TUSC3: variants seen among roughly 807,000 people sequenced by gnomAD.
TUSC3 encodes the protein dolichyl-diphosphooligosaccharide--protein glycosyltransferase subunit TUSC3.
Under a neutral mutation model 44.8 loss-of-function variants are expected in TUSC3, and 45 were observed. That is an observed-to-expected ratio of 1.00 (90% CI 0.79 to 1.29). The LOEUF is 1.29. Among genes scored for constraint, TUSC3 ranks in the 50% most tolerant of loss-of-function variants. The probability of loss-of-function intolerance (pLI) is 0.00; values close to 1 mark genes in which losing one functional copy is unlikely to be tolerated. For synonymous variants in TUSC3, 212 were observed against 152.9 expected, an observed-to-expected ratio of 1.39 and a Z score of -2.85; for missense variants, 519 against 437.9, an observed-to-expected ratio of 1.19 and a Z score of -1.65.
the TUSC3 span, among the ~76,000 whole-genome samples, chr8:15,840,836 G>A: frequency 6.6e-6 from 1 of 152,240 alleles, no homozygotes; most frequent in East Asian, 1.9e-4. Context: ...AAAAATTTAT[G>A]CAGTCCCTAA....
chr8:15,435,209 C>T (rs907511162), intron 1 of TUSC3, among the ~76,000 whole-genome samples: 4 of 151,376 alleles, frequency 2.6e-5, no homozygotes, highest in Non-Finnish European at 5.9e-5. Context: ...TGTTTCCTGA[C>T]TTTTTAATGA....
intron 2 of TUSC3, among the ~76,000 whole-genome samples, chr8:15,510,390 A>G (rs745585441): frequency 1.3e-5 from 2 of 152,154 alleles, no homozygotes; most frequent in Non-Finnish European, 2.9e-5. Flanking sequence ...AATTACCAAT[A>G]TCAGACATGA....
At chr8:15,512,347 A>C (rs1801148710) in intron 2 of TUSC3, among the ~76,000 whole-genome samples, 1 of 152,168 alleles carries the variant, frequency 6.6e-6, no homozygotes. Flanking sequence ...CCTGAACAAG[A>C]AGGAATTCTG....
intron 2 of TUSC3, among the ~76,000 whole-genome samples, chr8:15,637,312 C>G (rs918714894): frequency 1.3e-5 from 2 of 152,124 alleles, no homozygotes; most frequent in Non-Finnish European, 2.9e-5. Context: ...TCAGTCAACT[C>G]CATTTTTCTT....
chr8:15,659,414 C>T (rs761354708), intron 3 of TUSC3, 93 bp from the exon 4 acceptor site: 18 of 1,468,484 alleles, frequency 1.2e-5, no homozygotes, highest in Non-Finnish European at 1.7e-5. Context: ...ATAATAAATG[C>T]TGTTTTCCCC....
At chr8:15,468,586 C>G (rs1269475769) in intron 1 of TUSC3, among the ~76,000 whole-genome samples, 3 of 152,214 alleles carry the variant, frequency 2.0e-5, no homozygotes, top group African/African-American at 7.2e-5. Flanking sequence ...AAATTTAGAT[C>G]TGATGCCCCC....
chr8:15,431,095 A>G (rs1799867613), intron 1 of TUSC3, among the ~76,000 whole-genome samples: 1 of 151,752 alleles, frequency 6.6e-6, no homozygotes, highest in Non-Finnish European at 1.5e-5. Context: ...GCTTTGTAAT[A>G]TATTTTTGAA....
chr8:15,808,584 T>A, the TUSC3 span, among the ~76,000 whole-genome samples: 2 of 152,172 alleles, frequency 1.3e-5, no homozygotes, highest in Non-Finnish European at 2.9e-5. Flanking sequence ...AGACCTGCCA[T>A]CGTTACATCT....
chr8:15,626,288 GC>G (rs1209390971), intron 2 of TUSC3, among the ~76,000 whole-genome samples: 1 of 152,172 alleles, frequency 6.6e-6, no homozygotes, highest in Admixed American at 6.5e-5. Flanking sequence ...AGCTATGGGG[GC>G]CACTGCAGTG....
chr8:15,704,255 GTTTTTT>G (rs373598712), intron 6 of TUSC3, among the ~76,000 whole-genome samples: 4 of 137,080 alleles, frequency 2.9e-5, no homozygotes, highest in African/African-American at 5.4e-5. Flanking sequence ...ATTCTTAATG[GTTTTTT>G]TTTTTTTTTT....
the TUSC3 span, chr8:15,806,831 A>G: frequency 4.3e-6 from 4 of 940,496 alleles, no homozygotes; most frequent in Non-Finnish European, 6.7e-6. Context: ...TCCTGTTCCT[A>G]CAAAGTAAAC....
At chr8:15,672,321 C>A (rs1054700945) in intron 5 of TUSC3, among the ~76,000 whole-genome samples, 9 of 151,956 alleles carry the variant, frequency 5.9e-5, no homozygotes, top group African/African-American at 2.2e-4. Context: ...AAGATTGATA[C>A]CAATATTATC....
intron 1 of TUSC3, among the ~76,000 whole-genome samples, chr8:15,456,042 A>C (rs958146158): frequency 1.3e-5 from 2 of 152,174 alleles, no homozygotes; most frequent in Non-Finnish European, 2.9e-5. Context: ...CCTACCCAGA[A>C]TAATTCAATG....
At chr8:15,453,621 A>G (rs1057439307) in intron 1 of TUSC3, among the ~76,000 whole-genome samples, 5 of 145,248 alleles carry the variant, frequency 3.4e-5, no homozygotes, top group African/African-American at 1.2e-4. Flanking sequence ...GAATTTGCTG[A>G]CTAGCCAAGA....
intron 1 of TUSC3, among the ~76,000 whole-genome samples, chr8:15,566,561 G>A (rs576630336): frequency 5.7e-4 from 87 of 152,040 alleles, no homozygotes; most frequent in Admixed American, 1.2e-3. Context: ...TTCCTCAGAG[G>A]AGGTATATGT....
chr8:15,516,641 T>A (rs1801219495), intron 2 of TUSC3, among the ~76,000 whole-genome samples: 1 of 152,170 alleles, frequency 6.6e-6, no homozygotes, highest in South Asian at 2.1e-4. Context: ...GTGTTCTCTC[T>A]CACATTCACA....
At chr8:15,556,426 C>T (rs2129138431) in intron 1 of TUSC3, among the ~76,000 whole-genome samples, 1 of 151,474 alleles carries the variant, frequency 6.6e-6, no homozygotes, top group East Asian at 2.0e-4. Context: ...GGGTTGGTTC[C>T]AAGTCTTTGC....
chr8:15,438,136 C>G (rs1799974600), intron 1 of TUSC3, among the ~76,000 whole-genome samples: 1 of 152,060 alleles, frequency 6.6e-6, no homozygotes, highest in African/African-American at 2.4e-5. Context: ...CACTCGTTAC[C>G]CAGGCTGGAG....
At chr8:15,569,316 C>T (rs191335972) in intron 1 of TUSC3, among the ~76,000 whole-genome samples, 121 of 152,214 alleles carry the variant, frequency 7.9e-4, no homozygotes, top group South Asian at 1.2e-3. Flanking sequence ...CTGGAAAATA[C>T]ATGGGCAGTT....
Sources: allele counts gnomAD v4.1 joint callset (sites outside exome capture counted in the v4.1 genomes callset), GRCh38; gene constraint gnomAD v4.1.1; transcripts MANE v1.5; gene names NCBI Gene and HGNC (gene_info 2026-07-23, HGNC 2026-07-21).